Variants in EEF1D observed in about 807,000 individuals in gnomAD.
EEF1D encodes the protein eukaryotic translation elongation factor 1 delta, also known as elongation factor 1-delta.
A neutral mutation model predicts 63.9 loss-of-function variants in EEF1D; 47 were observed. The ratio of observed to expected loss-of-function variants is 0.74; its 90% CI spans 0.58 to 0.94. The LOEUF is 0.94. Among genes scored for constraint, EEF1D ranks in the 40% least tolerant of loss-of-function variants. EEF1D has a pLI of 0.00. For missense variants in EEF1D, 907 were observed against 899.0 expected (o/e 1.01, Z -0.11); for synonymous variants, 412 against 386.1 (o/e 1.07, Z -0.79).
At chr8:143,582,136 G>A (rs1336312179) in intron 5 of EEF1D, 3 of 152,356 alleles carry the variant, frequency 2.0e-5, no homozygotes, top group Non-Finnish European at 4.4e-5. Flanking sequence ...CTTGCAGCAG[G>A]TGCGGACATA....
At chr8:143,585,614 C>G (rs1363391546) in intron 5 of EEF1D, among the ~76,000 whole-genome samples, 1 of 152,228 alleles carries the variant, frequency 6.6e-6, no homozygotes, top group Non-Finnish European at 1.5e-5. Context: ...AGTCCCAACT[C>G]CTCGGGAACA....
Position 143,580,045 on chromosome 8 carries a change from C to G in EEF1D, c.1872G>C (p.Leu624Phe), listed in dbSNP as rs1825056119. ...CAAACTTGGTGATCTCCTCCTCCAG[C>G]AAGTCTGTCCCCACCTTGTCGTCCT... ...VVEDDKVGTDLLEEEITKFEE... is the reference protein window; with the variant it reads ...VVEDDKVGTDFLEEEITKFEE... Residue 624 changes from leucine (L) to phenylalanine (F), a missense_variant, in exon 9 of 10, where the codon TTG becomes TTC. By Grantham distance (22) the Leu-to-Phe change is conservative. Transcript: ENST00000618139. The G allele has an allele frequency of 6.2e-7, 1 of 1,613,988 alleles. No individual in the cohort carries two copies. The highest frequency in any genetic ancestry group is 1.3e-5 in the African/African-American group (1 of 75,046).
chr8:143,580,839 C>T, intron 7 of EEF1D, 112 bp from the exon 8 acceptor site: 4 of 1,315,844 alleles, frequency 3.0e-6, no homozygotes, highest in Non-Finnish European at 4.3e-6. Flanking sequence ...AAGGGCAGCC[C>T]CTGTGTACCG....
At position 143,593,300 on chromosome 8, in the gene EEF1D, C is replaced by G. The variant is rs1237017783; in HGVS notation, c.-14-640G>C. Among the ~76,000 whole-genome samples the G allele has an allele frequency of 3.3e-5, 5 of 152,202 alleles. No individual in the cohort carries two copies. The South Asian group carries it at 1.0e-3, about 31-fold the overall frequency. On this transcript the variant is annotated intron_variant, in intron 1 of 9. Transcript: ENST00000618139. ...CCACAATGTGCACACAAGGACAGGA[C>G]CTCCACCCAGTTCACTCCTCGGCTG... is the stretch of plus-strand genomic sequence containing the variant.
intron 1 of EEF1D, chr8:143,593,896 C>T (rs1449888544): frequency 1.0e-6 from 1 of 985,334 alleles, no homozygotes; most frequent in African/African-American, 1.7e-5. Flanking sequence ...AGCGCACCAT[C>T]TCTCCTAACA....
At chr8:143,592,570 C>A in intron 2 of EEF1D, 77 bp downstream of exon 2, 2 of 979,876 alleles carry the variant, frequency 2.0e-6, no homozygotes, top group Non-Finnish European at 2.4e-6. Flanking sequence ...GTGCTGGGTT[C>A]CCTCAGGTGC....
intron 5 of EEF1D, among the ~76,000 whole-genome samples, chr8:143,585,248 C>T (rs947802620): frequency 1.3e-5 from 2 of 152,138 alleles, no homozygotes. Context: ...AAAGCAAGTA[C>T]AAGAACCACG....
At chr8:143,592,056 C>A (rs1828057316) in intron 2 of EEF1D, 3 of 985,336 alleles carry the variant, frequency 3.0e-6, no homozygotes, top group South Asian at 4.7e-5. Context: ...GGCTCCCCTG[C>A]TCATTCCTTC....
intron 2 of EEF1D, chr8:143,591,035 A>T (rs183514976): frequency 1.3e-5 from 2 of 152,476 alleles, no homozygotes; most frequent in East Asian, 3.9e-4. Context: ...CTGTGTAGAA[A>T]GGAGGGGCCA....
chr8:143,595,351 A>G (rs1046284041), intron 1 of EEF1D, among the ~76,000 whole-genome samples: 6 of 152,014 alleles, frequency 3.9e-5, no homozygotes, highest in Non-Finnish European at 8.8e-5. Flanking sequence ...GATTACAGAC[A>G]TGAGCCATGC....
chr8:143,596,917 C>T (rs1219036385), intron 1 of EEF1D: 1 of 152,352 alleles, frequency 6.6e-6, no homozygotes, highest in Non-Finnish European at 1.5e-5. Context: ...CCGTGCCTAT[C>T]CCCTCCGTGC....
At position 143,580,495 on chromosome 8, in the gene EEF1D, CG is replaced by C. The variant is rs746262728; in HGVS notation, c.1710+10del. On this transcript the variant is annotated intron_variant, in intron 8 of 9. Transcript: ENST00000618139. ...TGCCTGGCCCCCTGAAGCCCCACCC[CG>C]CCCACTCACAGGCTTGACATCCAGC... 8 of 1,609,750 alleles carry C rather than the reference CG, an allele frequency of 5.0e-6. No individual in the cohort carries two copies. The South Asian group carries it at 8.8e-5, about 18-fold the overall frequency.
At chr8:143,591,628 T>C (rs897322133) in intron 2 of EEF1D, among the ~76,000 whole-genome samples, 1 of 152,246 alleles carries the variant, frequency 6.6e-6, no homozygotes, top group Non-Finnish European at 1.5e-5. Flanking sequence ...GCTGCTAGTC[T>C]GCTGCCTCCG....
chr8:143,579,992 TC>T lies in EEF1D; in HGVS notation c.1905+19del. The T allele has an allele frequency of 6.2e-7, 1 of 1,609,064 alleles. No individual in the cohort carries two copies. Among genetic ancestry groups the T allele is most frequent in the Non-Finnish European group, 8.5e-7 (1 of 1,176,542 alleles). ...GTCCCCAGTCTCCTCTCCCCTCCTC[TC>T]CCCGGCCGGCTCACTCACGTGCTCC... is the stretch of plus-strand genomic sequence containing the variant. On this transcript the variant is annotated intron_variant, in intron 9 of 9. Coordinates refer to ENST00000618139, the MANE Select transcript of EEF1D (RefSeq NM_001130053.5).
chr8:143,580,585 C>T lies in EEF1D; in HGVS notation c.1631G>A (p.Arg544Gln), dbSNP rs780078738. 4.3e-6 allele frequency: 7 copies of T among 1,613,626 alleles called. No homozygotes were observed. The highest frequency in any genetic ancestry group is 2.2e-5 in the East Asian group (1 of 44,876). ...CTTCTTCTCCGCGTACTGCCGTAGCCGCTCCTCCCGCAGCTGTGCCGCCTC... is the reference window on the plus strand; with the variant it reads ...CTTCTTCTCCGCGTACTGCCGTAGCTGCTCCTCCCGCAGCTGTGCCGCCTC... ...DKEAAQLREE[R>Q]LRQYAEKKAK... Residue 544 changes from arginine to glutamine, a missense_variant, in exon 8 of 10, where the codon CGG (arginine) becomes CAG (glutamine). Arg to Gln is a conservative substitution (Grantham distance 43, BLOSUM62 1). Transcript: ENST00000618139.
At chr8:143,592,164 C>T (rs1828078934) in intron 2 of EEF1D, 1 of 985,378 alleles carries the variant, frequency 1.0e-6, no homozygotes, top group Non-Finnish European at 1.2e-6. Flanking sequence ...GGAGACAGGG[C>T]ATTGTGACAT....
intron 3 of EEF1D, chr8:143,587,150 C>T (rs1826826831): frequency 8.6e-6 from 2 of 232,308 alleles, no homozygotes; most frequent in Non-Finnish European, 1.7e-5. Flanking sequence ...GGTATGAGGG[C>T]CCAGCTGCCT....
At chr8:143,587,926 A>C (rs1455656394) in intron 3 of EEF1D, among the ~76,000 whole-genome samples, 2 of 152,156 alleles carry the variant, frequency 1.3e-5, no homozygotes, top group South Asian at 2.1e-4. Context: ...CCAACCAAGC[A>C]CAACAGAACT....
At chr8:143,588,683 G>T (rs553565254) in intron 3 of EEF1D, 8 of 442,034 alleles carry the variant, frequency 1.8e-5, no homozygotes, top group Non-Finnish European at 3.2e-5. Context: ...AGCCACAGGG[G>T]ACTTGGGGAG....
Sources: allele counts gnomAD v4.1 joint callset (sites outside exome capture counted in the v4.1 genomes callset), GRCh38; gene constraint gnomAD v4.1.1; transcripts MANE v1.5; gene names NCBI Gene and HGNC (gene_info 2026-07-23, HGNC 2026-07-21).